KIF3B: variants seen among roughly 807,000 people sequenced by gnomAD.
KIF3B encodes the protein kinesin-like protein KIF3B.
A neutral mutation model predicts 74.3 loss-of-function variants in KIF3B; 38 were observed. That is an observed-to-expected ratio of 0.51 (90% confidence interval 0.39 to 0.67). The LOEUF is 0.67. KIF3B is among the 30% of genes least tolerant of loss of function. The probability of loss-of-function intolerance (pLI) is 0.00; values close to 1 mark genes in which losing one functional copy is unlikely to be tolerated. For missense variants in KIF3B, 649 were observed against 932.0 expected, an observed-to-expected ratio of 0.70 and a Z score of 3.95; for synonymous variants, 326 against 342.5, an observed-to-expected ratio of 0.95 and a Z score of 0.53.
In KIF3B at chr20:32,310,502, A is replaced by G. The variant is rs770139100; in HGVS notation, c.725A>G (p.Asn242Ser). The change falls in exon 2 of 9, where the codon AAC (asparagine) becomes AGC (serine). Residue 242 changes from asparagine (N) to serine (S), a missense_variant. By Grantham distance (46) the Asn-to-Ser change is conservative. Around this residue, in one of 4 missense-constraint regions of KIF3B, gnomAD observed 363 missense variants for 592.8 expected, o/e 0.61. Transcript: ENST00000375712. This position sits in a 1 kb window ranked among gnomAD's most constrained non-coding sequence, Gnocchi z 6.5. The stretch of plus-strand genomic sequence containing the variant: ...AACCACATCCGTGTAGGAAAATTGA[A>G]CCTTGTAGATCTTGCTGGCAGCGAA... The part of the protein sequence containing the change: ...GENHIRVGKL[N>S]LVDLAGSERQ... 2.5e-6 allele frequency: 4 copies of G among 1,613,914 alleles called. No homozygotes were observed. The highest frequency in any genetic ancestry group is 3.4e-6 in the Non-Finnish European group (4 of 1,180,032).
At chr20:32,313,115 T>G (rs2047810001) in intron 2 of KIF3B, among the ~76,000 whole-genome samples, 1 of 152,200 alleles carries the variant, frequency 6.6e-6, no homozygotes, top group South Asian at 2.1e-4. Flanking sequence ...CATTCCATTT[T>G]CCACCCAATG....
At chr20:32,278,346 G>A (rs2047626264) in intron 1 of KIF3B, among the ~76,000 whole-genome samples, 1 of 152,068 alleles carries the variant, frequency 6.6e-6, no homozygotes, top group Admixed American at 6.6e-5. Context: ...ATTTCTCTGA[G>A]TCTTCTTTTC....
chr20:32,327,488 T>C (rs1030187913), intron 6 of KIF3B, 68 bp from the exon 7 acceptor site: 4 of 1,293,840 alleles, frequency 3.1e-6, no homozygotes, highest in Non-Finnish European at 4.5e-6. Flanking sequence ...TCAGGTTCTG[T>C]CAGTGTCTTC....
At chr20:32,314,814 C>A (rs1241862687) in intron 2 of KIF3B, among the ~76,000 whole-genome samples, 1 of 152,096 alleles carries the variant, frequency 6.6e-6, no homozygotes, top group South Asian at 2.1e-4. Context: ...AGCACTGTCT[C>A]CTGCCATCCA....
chr20:32,301,085 CTTTTT>C (rs950388063), intron 1 of KIF3B, among the ~76,000 whole-genome samples: 2 of 90,170 alleles, frequency 2.2e-5, no homozygotes, highest in Non-Finnish European at 2.2e-5. Context: ...GCTTCATGGT[CTTTTT>C]TTTTTTTTTT....
chr20:32,319,940 G>C (rs1423225629), intron 5 of KIF3B, among the ~76,000 whole-genome samples: 1 of 151,370 alleles, frequency 6.6e-6, no homozygotes, highest in Admixed American at 6.6e-5. Flanking sequence ...TGTCACCCAG[G>C]CTGGAGTGCA....
In KIF3B at chr20:32,310,916, G is replaced by T; in HGVS notation, c.1139G>T (p.Arg380Leu). ...CGGTCCATTGGTAGGAGGAAGAGGC[G>T]AGAGAAGCGGAGGGAAGGTGGTGGC... ...EKRSIGRRKR[R>L]EKRREGGGSG... The change falls in exon 2 of 9, where the codon CGA becomes CTA. Residue 380 changes from arginine (R) to leucine (L), a missense_variant. This residue lies in a region of KIF3B where 363 missense variants were observed against 592.8 expected (regional missense o/e 0.61). Coordinates refer to ENST00000375712, the MANE Select transcript of KIF3B (RefSeq NM_004798.4). This position sits in a 1 kb window ranked among gnomAD's most constrained non-coding sequence, Gnocchi z 6.5. The T allele has an allele frequency of 6.2e-7, 1 of 1,610,128 alleles. No individual in the cohort carries two copies. Among genetic ancestry groups the T allele is most frequent in the South Asian group, 1.1e-5 (1 of 90,954 alleles).
At chr20:32,307,271 G>T (rs1457574911) in intron 1 of KIF3B, among the ~76,000 whole-genome samples, 3 of 152,116 alleles carry the variant, frequency 2.0e-5, no homozygotes, top group Non-Finnish European at 4.4e-5. Context: ...TGGTGTTATA[G>T]CTTCCATTTT....
chr20:32,308,577 A>G (rs2047783873), intron 1 of KIF3B, among the ~76,000 whole-genome samples: 1 of 151,256 alleles, frequency 6.6e-6, no homozygotes, highest in East Asian at 2.0e-4. Flanking sequence ...CGCCCAGCCA[A>G]TTTTTGTATT....
chr20:32,291,081 A>G (rs1478328615), intron 1 of KIF3B, among the ~76,000 whole-genome samples: 1 of 152,100 alleles, frequency 6.6e-6, no homozygotes, highest in Non-Finnish European at 1.5e-5. Context: ...AATCATGGAA[A>G]CATGGTTACC....
rs1193299228 is a variant in KIF3B, at chr20:32,334,936, TTGTC to T, written c.*3619_*3622del. 2.0e-5 allele frequency: 3 copies of T among 152,640 alleles called. No individual in the cohort carries two copies. The highest frequency in any genetic ancestry group is 4.4e-5 in the Non-Finnish European group (3 of 68,032). The allele number at this position is 152,640 out of a possible 1,614,324, so 9.5% of individuals were successfully genotyped here. A position where few individuals can be genotyped will look rare whatever the true frequency, so the allele number is the denominator to read the frequency against. On this transcript the variant is annotated 3_prime_UTR_variant, in exon 9 of 9. Coordinates refer to ENST00000375712, the MANE Select transcript of KIF3B (RefSeq NM_004798.4). ...ATTGATATTTATTTGTATCATCTCT[TTGTC>T]TAGGAATGTAAAAGTGATTCTAAAC...
chr20:32,330,491 G>A (rs1198107321), intron 8 of KIF3B, among the ~76,000 whole-genome samples, 172 bp downstream of exon 8: 1 of 152,180 alleles, frequency 6.6e-6, no homozygotes, highest in African/African-American at 2.4e-5. Flanking sequence ...GAGACACTAT[G>A]CTGGGTATAC....
intron 2 of KIF3B, among the ~76,000 whole-genome samples, chr20:32,314,190 A>G (rs1183015164): frequency 2.6e-5 from 4 of 152,146 alleles, no homozygotes; most frequent in Non-Finnish European, 5.9e-5. Flanking sequence ...CATTTTGACT[A>G]TGGAGAATGA....
chr20:32,329,010 C>T lies in KIF3B; in HGVS notation c.1969-1131C>T, dbSNP rs552535877. Among the ~76,000 whole-genome samples the T allele has an allele frequency of 2.3e-3, 348 of 152,278 alleles. 3 individuals are homozygous for T. The highest frequency in any genetic ancestry group is 4.1e-3 in the Non-Finnish European group (280 of 68,012). Reference sequence around the variant, plus strand: ...GCAACCCCTGTCTCCTGGGTTCAAGCAATTCTGGTGCTTCAGCCTTCCTAG... The same window carrying T: ...GCAACCCCTGTCTCCTGGGTTCAAGTAATTCTGGTGCTTCAGCCTTCCTAG... On this transcript the variant is annotated intron_variant, in intron 7 of 8. Coordinates refer to ENST00000375712, the MANE Select transcript of KIF3B (RefSeq NM_004798.4).
chr20:32,277,730 G>A lies in KIF3B; in HGVS notation c.-101G>A. The A allele has an allele frequency of 3.8e-6, 1 of 266,032 alleles. No individual in the cohort carries two copies. Among genetic ancestry groups the A allele is most frequent in the Non-Finnish European group, 6.8e-6 (1 of 146,818 alleles). The allele number at this position is 266,032 out of a possible 1,614,324, so 16.5% of individuals were successfully genotyped here. A position where few individuals can be genotyped will look rare whatever the true frequency, so the allele number is the denominator to read the frequency against. On this transcript the variant is annotated 5_prime_UTR_variant, in exon 1 of 9. Coordinates refer to ENST00000375712, the MANE Select transcript of KIF3B (RefSeq NM_004798.4). Reference sequence around the variant, plus strand: ...CCCCGCCGCCGCCGCCGCCGCCGCCGCCGCCGCCGCCGCCCGCTTTCGGCT... The same window carrying A: ...CCCCGCCGCCGCCGCCGCCGCCGCCACCGCCGCCGCCGCCCGCTTTCGGCT...
intron 2 of KIF3B, among the ~76,000 whole-genome samples, chr20:32,314,715 T>TG (rs1238245580): frequency 6.6e-6 from 1 of 152,178 alleles, no homozygotes; most frequent in Non-Finnish European, 1.5e-5. Context: ...TGTGCAGTTT[T>TG]GGGGTCCCAT....
chr20:32,292,583 GAAAAAAA>G (rs71185398), intron 1 of KIF3B, among the ~76,000 whole-genome samples: 33 of 71,822 alleles, frequency 4.6e-4, no homozygotes, highest in East Asian at 9.0e-4. Flanking sequence ...ACTAAAAATA[GAAAAAAA>G]AAAAAAAAAA....
intron 1 of KIF3B, among the ~76,000 whole-genome samples, chr20:32,293,700 A>G (rs145357109): frequency 1.6e-4 from 25 of 152,296 alleles, no homozygotes; most frequent in Non-Finnish European, 2.9e-4. Flanking sequence ...GTACAGTGGT[A>G]TATAGTATAC....
chr20:32,295,584 C>T (rs999081795), intron 1 of KIF3B, among the ~76,000 whole-genome samples: 4 of 152,078 alleles, frequency 2.6e-5, no homozygotes, highest in East Asian at 1.9e-4. Flanking sequence ...TGAGCCACCA[C>T]GCCTGGCTGA....
Sources: allele counts gnomAD v4.1 joint callset (sites outside exome capture counted in the v4.1 genomes callset), GRCh38; gene constraint gnomAD v4.1.1; regional missense constraint gnomAD v4.1.1; non-coding constraint Gnocchi (gnomAD v3.1); transcripts MANE v1.5; gene names NCBI Gene and HGNC (gene_info 2026-07-23, HGNC 2026-07-21).